PDPN: variants seen among roughly 807,000 people sequenced by gnomAD.
PDPN encodes the protein podoplanin.
Under a neutral mutation model 23.2 loss-of-function variants are expected in PDPN, and 12 were observed. The observed-to-expected ratio is 0.52, with a 90% CI of 0.33 to 0.84. PDPN has a LOEUF of 0.84. PDPN is among the 40% of genes least tolerant of loss of function. The probability of loss-of-function intolerance (pLI) is 0.02; values close to 1 mark genes in which losing one functional copy is unlikely to be tolerated. For synonymous variants in PDPN, 77 were observed against 76.7 expected, an observed-to-expected ratio of 1.00 and a Z score of -0.02; for missense variants, 199 against 212.2, an observed-to-expected ratio of 0.94 and a Z score of 0.39.
intron 1 of PDPN, among the ~76,000 whole-genome samples, chr1:13,588,254 G>A (rs1372240648): frequency 6.6e-6 from 1 of 152,148 alleles, no homozygotes; most frequent in Non-Finnish European, 1.5e-5. Context: ...AGCCACTGGG[G>A]TAACAATCAC....
chr1:13,595,683 A>G (rs1195912669), intron 1 of PDPN: 2 of 424,334 alleles, frequency 4.7e-6, no homozygotes, highest in African/African-American at 4.1e-5. Context: ...TCATCTCGTC[A>G]TTGGTCTCAT....
At chr1:13,588,596 T>G (rs953857536) in intron 1 of PDPN, among the ~76,000 whole-genome samples, 2 of 145,120 alleles carry the variant, frequency 1.4e-5, no homozygotes, top group South Asian at 4.6e-4. Context: ...TATATAACTA[T>G]ATATTATATA....
chr1:13,604,109 T>C (rs74226261), intron 1 of PDPN, among the ~76,000 whole-genome samples: 3,829 of 152,292 alleles, frequency 0.025, 106 homozygotes, highest in Middle Eastern at 0.078. Flanking sequence ...TCTACACTTG[T>C]AGAAACAATT....
At chr1:13,606,034 G>A (rs2604095) in intron 1 of PDPN, among the ~76,000 whole-genome samples, 4 of 151,536 alleles carry the variant, frequency 2.6e-5, no homozygotes, top group Non-Finnish European at 5.9e-5. Flanking sequence ...ATTGGGTTTC[G>A]GCTGGAGTGC....
At chr1:13,598,424 C>T (rs1327182458) in intron 1 of PDPN, among the ~76,000 whole-genome samples, 1 of 152,126 alleles carries the variant, frequency 6.6e-6, no homozygotes, top group Non-Finnish European at 1.5e-5. Context: ...TAAGCACCAA[C>T]CCCTCTCCAC....
At chr1:13,589,600 C>T (rs989516638) in intron 1 of PDPN, among the ~76,000 whole-genome samples, 14 of 152,150 alleles carry the variant, frequency 9.2e-5, no homozygotes, top group Admixed American at 2.6e-4. Context: ...TTAAGAGACT[C>T]AGTGAGGTTC....
chr1:13,586,809 TG>T (rs1360265733), intron 1 of PDPN, among the ~76,000 whole-genome samples: 4 of 148,676 alleles, frequency 2.7e-5, no homozygotes, highest in Admixed American at 2.7e-4. Flanking sequence ...GGCTCACGCC[TG>T]TGAGGGGCCG....
chr1:13,608,873 G>A (rs562765077), intron 2 of PDPN, among the ~76,000 whole-genome samples: 4 of 151,974 alleles, frequency 2.6e-5, no homozygotes, highest in East Asian at 1.9e-4. Context: ...GGGAAGAGTC[G>A]TTACAGCGGG....
At chr1:13,585,606 G>A (rs1160817152) in intron 1 of PDPN, 1 of 1,352,064 alleles carries the variant, frequency 7.4e-7, no homozygotes, top group South Asian at 1.1e-5. Flanking sequence ...AGCTTTAGCT[G>A]TGATTCCCTT....
intron 5 of PDPN, 75 bp downstream of exon 5, chr1:13,614,486 T>C: frequency 1.2e-6 from 1 of 819,646 alleles, no homozygotes; most frequent in South Asian, 1.5e-5. Context: ...TTTGAACTAA[T>C]AGAAATCTCT....
At chr1:13,610,658 G>A in intron 3 of PDPN, 142 bp downstream of exon 3, 1 of 804,004 alleles carries the variant, frequency 1.2e-6, no homozygotes, top group Non-Finnish European at 2.0e-6. Flanking sequence ...TATATGGTAG[G>A]TTCAGAATTC....
chr1:13,590,700 T>C (rs2100211471), intron 1 of PDPN, among the ~76,000 whole-genome samples: 1 of 152,094 alleles, frequency 6.6e-6, no homozygotes, highest in Admixed American at 6.5e-5. Context: ...GGCAGGAAAC[T>C]GGGGAGACAG....
chr1:13,605,786 C>A (rs1467753661), intron 1 of PDPN, among the ~76,000 whole-genome samples: 3 of 152,102 alleles, frequency 2.0e-5, no homozygotes, highest in Non-Finnish European at 4.4e-5. Flanking sequence ...CCATGCCCAG[C>A]TAATTTTTGT....
chr1:13,608,125 A>C (rs771509686), intron 2 of PDPN, among the ~76,000 whole-genome samples: 16 of 151,524 alleles, frequency 1.1e-4, no homozygotes, highest in Non-Finnish European at 2.1e-4. Flanking sequence ...ATAAATAAAT[A>C]AGTCAGTCAG....
In PDPN at chr1:13,615,990, G is replaced by T; in HGVS notation, c.*79G>T. On this transcript the variant is annotated 3_prime_UTR_variant, in exon 6 of 6. Coordinates refer to ENST00000621990, the MANE Select transcript of PDPN (RefSeq NM_006474.5). ...GACTCTGTGCCCTGTCCCTGAGCTC[G>T]TGGGAGAAGATGACCCGTGGAACAC... 2 of 1,372,780 alleles carry T rather than the reference G, an allele frequency of 1.5e-6. No individual in the cohort carries two copies. The highest frequency in any genetic ancestry group is 2.1e-6 in the Non-Finnish European group (2 of 960,574). The allele number at this position is 1,372,780 out of a possible 1,614,324, so 85.0% of individuals were successfully genotyped here.
At chr1:13,610,569 G>A (rs1640908338) in intron 3 of PDPN, 53 bp downstream of exon 3, 27 of 1,575,776 alleles carry the variant, frequency 1.7e-5, no homozygotes, top group Non-Finnish European at 2.3e-5. Flanking sequence ...CATAATTGGT[G>A]CATTCCAAAG....
intron 1 of PDPN, among the ~76,000 whole-genome samples, chr1:13,606,537 G>A (rs956942283): frequency 5.3e-5 from 8 of 152,070 alleles, no homozygotes; most frequent in Non-Finnish European, 1.2e-4. Flanking sequence ...GTGTGGTGGT[G>A]AGCACTTGTA....
At chr1:13,601,266 C>CAA (rs1342375429) in intron 1 of PDPN, among the ~76,000 whole-genome samples, 1 of 152,222 alleles carries the variant, frequency 6.6e-6, no homozygotes, top group Non-Finnish European at 1.5e-5. Flanking sequence ...GGAGACTCTG[C>CAA]AGACAGAGGG....
At position 13,607,270 on chromosome 1, in the gene PDPN, C is replaced by T. The variant is rs368573812; in HGVS notation, c.165C>T (p.Thr55=). 3.7e-6 allele frequency: 6 copies of T among 1,614,152 alleles called. No individual in the cohort carries two copies. Among genetic ancestry groups the T allele is most frequent in the African/African-American group, 1.3e-5 (1 of 75,058 alleles). The change falls in exon 2 of 6, where the codon ACC becomes ACT. Residue 55 remains threonine (T), a synonymous_variant. Transcript: ENST00000621990. The part of the protein sequence containing the change: ...GAEDDVVTPG[T]SEDRYKSGLT... ...AAGATGATGTGGTGACTCCAGGAAC[C>T]AGCGAAGACCGCTATAAGTCTGGCT...
Sources: gnomAD v4.1 joint callset for allele counts (sites outside exome capture counted in the v4.1 genomes callset) on GRCh38, gnomAD v4.1.1 for gene constraint, MANE v1.5 for transcripts, NCBI Gene and HGNC (gene_info 2026-07-23, HGNC 2026-07-21) for gene names.